SUSD1: variants seen among roughly 807,000 people sequenced by gnomAD.
SUSD1 encodes the protein sushi domain-containing protein 1.
Under a neutral mutation model 86.9 loss-of-function variants are expected in SUSD1, and 65 were observed. The ratio of observed to expected loss-of-function variants is 0.75; its 90% CI spans 0.61 to 0.92. The LOEUF is 0.92. Ranked by LOEUF, SUSD1 falls within the 40% of genes least tolerant of loss-of-function variation. The pLI is 0.00. For missense variants in SUSD1, 850 were observed against 929.7 expected (o/e 0.91, Z 1.11); for synonymous variants, 346 against 350.0 (o/e 0.99, Z 0.13).
At chr9:112,063,110 G>A in intron 12 of SUSD1, 77 bp from the exon 13 acceptor site, 1 of 876,702 alleles carries the variant, frequency 1.1e-6, no homozygotes. Context: ...TCCTCGTGAG[G>A]GCTATCAAAA....
chr9:112,063,420 G>A (rs1828821477), intron 12 of SUSD1, among the ~76,000 whole-genome samples: 1 of 152,222 alleles, frequency 6.6e-6, no homozygotes, highest in South Asian at 2.1e-4. Flanking sequence ...TGTGCTTCAA[G>A]ATGTTAAAAT....
At chr9:112,131,643 A>G (rs111481361) in intron 5 of SUSD1, among the ~76,000 whole-genome samples, 77 of 152,348 alleles carry the variant, frequency 5.1e-4, no homozygotes, top group African/African-American at 1.8e-3. Flanking sequence ...AATCCTATTT[A>G]ATACATAAAA....
chr9:112,136,519 C>A (rs185031559), intron 5 of SUSD1, among the ~76,000 whole-genome samples: 2 of 152,192 alleles, frequency 1.3e-5, no homozygotes, highest in Non-Finnish European at 2.9e-5. Flanking sequence ...TAGGTGTAAG[C>A]CATCATGCCC....
chr9:112,075,822 A>G (rs1322313361), intron 12 of SUSD1, among the ~76,000 whole-genome samples: 1 of 152,216 alleles, frequency 6.6e-6, no homozygotes, highest in African/African-American at 2.4e-5. Flanking sequence ...GATACAGAGT[A>G]CTAGCGTGGA....
intron 3 of SUSD1, 82 bp from the exon 4 acceptor site, chr9:112,143,705 T>A: frequency 7.3e-7 from 1 of 1,379,270 alleles, no homozygotes; most frequent in Admixed American, 2.5e-5. Flanking sequence ...TGACAGCCAT[T>A]TTTTCACATT....
intron 10 of SUSD1, among the ~76,000 whole-genome samples, chr9:112,096,073 A>T (rs1224973579): frequency 1.3e-5 from 2 of 152,194 alleles, no homozygotes; most frequent in Admixed American, 6.5e-5. Context: ...GTTTAAATTG[A>T]CACGTGGTAG....
At position 112,078,722 on chromosome 9, in the gene SUSD1, G is replaced by T; in HGVS notation, c.1569C>A (p.Phe523Leu). Reference protein sequence around the residue: ...KTADMEEMYLFHIWGQRWYQK... With the variant: ...KTADMEEMYLLHIWGQRWYQK... ...GATACCATCTCTGGCCCCAAATGTG[G>T]AACTGAAACATAAAAAAGCTCACTG... Residue 523 changes from phenylalanine to leucine, a missense_variant and splice_region_variant, in exon 12 of 17, where the codon TTC becomes TTA. Transcript: ENST00000374270. The T allele has an allele frequency of 1.2e-6, 2 of 1,609,280 alleles. No homozygotes were observed. The highest frequency in any genetic ancestry group is 1.7e-6 in the Non-Finnish European group (2 of 1,176,220).
chr9:112,165,981 G>GAA (rs948478569), intron 1 of SUSD1, among the ~76,000 whole-genome samples: 1 of 150,662 alleles, frequency 6.6e-6, no homozygotes, highest in Non-Finnish European at 1.5e-5. Flanking sequence ...AAGAAAGAAA[G>GAA]AAAGAAAGAA....
chr9:112,103,972 G>A (rs1036835341), intron 8 of SUSD1, among the ~76,000 whole-genome samples: 1 of 152,102 alleles, frequency 6.6e-6, no homozygotes, highest in African/African-American at 2.4e-5. Context: ...GAATCACCCA[G>A]ACATCAGCAG....
intron 5 of SUSD1, among the ~76,000 whole-genome samples, chr9:112,132,805 C>A (rs1379408718): frequency 6.6e-6 from 1 of 152,140 alleles, no homozygotes; most frequent in Non-Finnish European, 1.5e-5. Flanking sequence ...GTCTAAGGAA[C>A]CTGCGACAAA....
chr9:112,066,000 G>A (rs1313171633), intron 12 of SUSD1, among the ~76,000 whole-genome samples: 1 of 152,200 alleles, frequency 6.6e-6, no homozygotes, highest in Non-Finnish European at 1.5e-5. Flanking sequence ...CAGCAGCTCT[G>A]CGTGACAATC....
chr9:112,112,593 A>C (rs560357316), intron 7 of SUSD1, among the ~76,000 whole-genome samples, 178 bp downstream of exon 7: 18 of 152,064 alleles, frequency 1.2e-4, no homozygotes, highest in Admixed American at 8.5e-4. Context: ...CCAAGATCCC[A>C]CCACTGCACT....
intron 5 of SUSD1, among the ~76,000 whole-genome samples, chr9:112,128,126 T>C (rs1423641132): frequency 6.6e-6 from 1 of 152,188 alleles, no homozygotes; most frequent in Non-Finnish European, 1.5e-5. Flanking sequence ...ACAGTCTCAC[T>C]CTGTTGCCCA....
At chr9:112,154,954 A>G (rs1006926143) in intron 2 of SUSD1, among the ~76,000 whole-genome samples, 3 of 152,116 alleles carry the variant, frequency 2.0e-5, no homozygotes, top group African/African-American at 7.2e-5. Flanking sequence ...TCTTTGTTCA[A>G]AAATCAAAGG....
intron 8 of SUSD1, among the ~76,000 whole-genome samples, chr9:112,109,664 A>G (rs1299880002): frequency 6.6e-6 from 1 of 152,200 alleles, no homozygotes; most frequent in Non-Finnish European, 1.5e-5. Flanking sequence ...AGGAACTTGA[A>G]CAGGTAATTG....
intron 2 of SUSD1, among the ~76,000 whole-genome samples, chr9:112,154,485 C>A (rs976255027): frequency 6.6e-6 from 1 of 152,094 alleles, no homozygotes; most frequent in Non-Finnish European, 1.5e-5. Flanking sequence ...TACACTCCAG[C>A]CTGGACAACA....
chr9:112,092,279 C>G (rs1018895358), intron 10 of SUSD1, among the ~76,000 whole-genome samples: 1 of 152,188 alleles, frequency 6.6e-6, no homozygotes, highest in East Asian at 1.9e-4. Context: ...TCTTTTCTGC[C>G]ACTCTACACT....
chr9:112,170,226 T>C (rs560531346), intron 1 of SUSD1, among the ~76,000 whole-genome samples: 5 of 152,270 alleles, frequency 3.3e-5, no homozygotes, highest in Admixed American at 6.5e-5. Flanking sequence ...AACAATCCAC[T>C]CACTCTATTT....
chr9:112,165,909 G>GAAA (rs1355468618), intron 1 of SUSD1, among the ~76,000 whole-genome samples: 196 of 66,724 alleles, frequency 2.9e-3, no homozygotes, highest in Non-Finnish European at 4.2e-3. Context: ...AAGGAAGGAA[G>GAAA]GAAGGAAGAA....
Sources: gnomAD v4.1 joint callset for allele counts (sites outside exome capture counted in the v4.1 genomes callset) on GRCh38, gnomAD v4.1.1 for gene constraint, MANE v1.5 for transcripts, NCBI Gene and HGNC (gene_info 2026-07-23, HGNC 2026-07-21) for gene names.